TOGARAM1: variants seen among roughly 807,000 people sequenced by gnomAD.
The protein encoded by TOGARAM1 is TOG array regulator of axonemal microtubules 1.
Under a neutral mutation model 166.6 loss-of-function variants are expected in TOGARAM1, and 100 were observed. The ratio of observed to expected loss-of-function variants is 0.60; its 90% CI spans 0.51 to 0.71. The LOEUF is 0.71. Ranked by LOEUF, TOGARAM1 falls within the 30% of genes least tolerant of loss-of-function variation. The probability of loss-of-function intolerance (pLI) is 0.00; values close to 1 mark genes in which losing one functional copy is unlikely to be tolerated. For missense variants in TOGARAM1, 2,029 were observed against 2,102.7 expected (o/e 0.96, Z 0.69); for synonymous variants, 758 against 763.8 (o/e 0.99, Z 0.13).
In TOGARAM1 at chr14:45,044,771, A is replaced by G; in HGVS notation, c.4055A>G (p.Asn1352Ser). Reference protein sequence around the residue: ...KVLLHKAGESNTFIREDVDKA... With the variant: ...KVLLHKAGESSTFIREDVDKA... ...TTGTTGCACAAGGCTGGTGAATCAA[A>G]TACATTTATAAGAGAAGATGTTGAC... The change falls in exon 13 of 20, where the codon AAT becomes AGT. Residue 1352 changes from asparagine (N) to serine (S), a missense_variant. By Grantham distance (46) the Asn-to-Ser change is conservative. Coordinates refer to ENST00000361462, the MANE Select transcript of TOGARAM1 (RefSeq NM_001308120.2). 6.2e-7 allele frequency: 1 copy of G among 1,614,162 alleles called. No individual in the cohort carries two copies.
intron 1 of TOGARAM1, among the ~76,000 whole-genome samples, chr14:44,973,178 A>G (rs1566599139): frequency 6.6e-6 from 1 of 151,828 alleles, no homozygotes; most frequent in Admixed American, 6.6e-5. Flanking sequence ...TGTGGTTTTA[A>G]TTGAGAATTT....
intron 7 of TOGARAM1, among the ~76,000 whole-genome samples, chr14:45,019,153 G>C (rs1880336931): frequency 6.6e-6 from 1 of 152,144 alleles, no homozygotes; most frequent in African/African-American, 2.4e-5. Context: ...AGTTATGGAG[G>C]CTTAAAGCTT....
intron 3 of TOGARAM1, among the ~76,000 whole-genome samples, chr14:45,003,237 A>C (rs1437306993): frequency 6.6e-6 from 1 of 152,154 alleles, no homozygotes; most frequent in Non-Finnish European, 1.5e-5. Context: ...TTAAGTCCTC[A>C]GAAGAATGTT....
intron 16 of TOGARAM1, among the ~76,000 whole-genome samples, chr14:45,056,826 G>A (rs990522566): frequency 6.6e-6 from 1 of 152,002 alleles, no homozygotes; most frequent in African/African-American, 2.4e-5. Context: ...TTCGTCTTTT[G>A]TTGTGTCTTT....
chr14:45,047,648 T>A (rs562699092), intron 14 of TOGARAM1, among the ~76,000 whole-genome samples: 24 of 152,286 alleles, frequency 1.6e-4, no homozygotes, highest in Non-Finnish European at 2.9e-4. Flanking sequence ...CCGTCATTGT[T>A]TGTCCTTAAG....
chr14:44,968,713 T>C (rs1001446535), intron 1 of TOGARAM1, among the ~76,000 whole-genome samples: 1 of 152,204 alleles, frequency 6.6e-6, no homozygotes. Flanking sequence ...CATATAATTA[T>C]CACCCAAGGC....
chr14:45,025,125 A>G (rs1009934440), intron 7 of TOGARAM1, among the ~76,000 whole-genome samples: 7 of 152,230 alleles, frequency 4.6e-5, no homozygotes, highest in African/African-American at 1.7e-4. Flanking sequence ...TTAACCTAGA[A>G]AAGCACAGAT....
At chr14:45,038,734 G>A (rs1007775419) in intron 11 of TOGARAM1, among the ~76,000 whole-genome samples, 16 of 152,122 alleles carry the variant, frequency 1.1e-4, no homozygotes, top group Non-Finnish European at 2.4e-4. Flanking sequence ...TGTCATGAGC[G>A]GTGGCAAAGT....
At chr14:45,055,618 C>T (rs531315018) in intron 16 of TOGARAM1, among the ~76,000 whole-genome samples, 5 of 151,960 alleles carry the variant, frequency 3.3e-5, no homozygotes, top group Admixed American at 2.0e-4. Flanking sequence ...GCCTGGCCAA[C>T]GTAGTGAAAC....
chr14:45,009,159 T>A lies in TOGARAM1; in HGVS notation c.3137+14T>A. ...GAAGAGAATAATGTATTTTATTTTT[T>A]GACGTGATAAATGAATGTTCCTCTG... On this transcript the variant is annotated intron_variant, in intron 6 of 19. Coordinates refer to ENST00000361462, the MANE Select transcript of TOGARAM1 (RefSeq NM_001308120.2). 6.3e-7 allele frequency: 1 copy of A among 1,582,144 alleles called. No individual in the cohort carries two copies. Among genetic ancestry groups the A allele is most frequent in the Non-Finnish European group, 8.7e-7 (1 of 1,154,680 alleles).
Position 44,963,529 on chromosome 14 carries a change from CA to C in TOGARAM1, c.1109del (p.Gln370ArgfsTer6). 1 of 1,614,096 alleles carries C rather than the reference CA, an allele frequency of 6.2e-7. No individual in the cohort carries two copies. On this transcript the variant is annotated frameshift_variant, in exon 1 of 20. Transcript: ENST00000361462. LOFTEE classifies it high-confidence loss of function. Reference protein sequence around the residue: ...LDQEDYKNRTQAVEELKQVLG... With the variant: ...LDQEDYKNRTXAVEELKQVLG... ...TCAGGAAGACTATAAGAACCGGACC[CA>C]GGCCGTCGAAGAACTAAAGCAGGTG...
chr14:44,977,520 G>T (rs1566602958), intron 1 of TOGARAM1, among the ~76,000 whole-genome samples: 1 of 152,178 alleles, frequency 6.6e-6, no homozygotes, highest in Non-Finnish European at 1.5e-5. Context: ...ACAGGCGTGA[G>T]CCACAGCACC....
intron 1 of TOGARAM1, among the ~76,000 whole-genome samples, chr14:44,978,532 C>T (rs1886338228): frequency 6.6e-6 from 1 of 152,144 alleles, no homozygotes; most frequent in African/African-American, 2.4e-5. Flanking sequence ...AAACCAGGAG[C>T]AGTGGCACAT....
chr14:45,025,808 T>A lies in TOGARAM1; in HGVS notation c.3264T>A (p.Ile1088=). The A allele has an allele frequency of 6.2e-7, 1 of 1,609,478 alleles. No individual in the cohort carries two copies. The highest frequency in any genetic ancestry group is 2.2e-5 in the East Asian group (1 of 44,704). ...GGTCATCATCAAATCCACAGCAAAT[T>A]TCCAGTTTTGACTTCACAACCACAA... ...SAGSSSNPQQ[I]SSFDFTTTKA... The change falls in exon 8 of 20, where the codon ATT becomes ATA. Residue 1088 remains isoleucine, a synonymous_variant. Coordinates refer to ENST00000361462, the MANE Select transcript of TOGARAM1 (RefSeq NM_001308120.2).
intron 11 of TOGARAM1, among the ~76,000 whole-genome samples, chr14:45,038,990 G>A (rs1467828730): frequency 6.6e-6 from 1 of 152,214 alleles, no homozygotes; most frequent in Non-Finnish European, 1.5e-5. Context: ...GAGACCCAGA[G>A]TGGGTAGCTC....
intron 7 of TOGARAM1, among the ~76,000 whole-genome samples, chr14:45,024,761 A>G (rs1021528742): frequency 8.5e-5 from 13 of 152,228 alleles, no homozygotes; most frequent in Admixed American, 8.5e-4. Context: ...GATCACTTAC[A>G]TGGATTTCTT....
chr14:45,025,494 G>C, intron 7 of TOGARAM1: 1 of 214,722 alleles, frequency 4.7e-6, no homozygotes, highest in South Asian at 8.0e-5. Flanking sequence ...AACCCAGGAG[G>C]TGGAGGTAGC....
At chr14:44,994,914 A>T (rs945433974) in intron 1 of TOGARAM1, among the ~76,000 whole-genome samples, 1 of 152,214 alleles carries the variant, frequency 6.6e-6, no homozygotes, top group Non-Finnish European at 1.5e-5. Context: ...AGTTCACCAC[A>T]TCTAGATTTG....
intron 5 of TOGARAM1, chr14:45,007,579 C>T (rs756701386): frequency 6.6e-5 from 10 of 151,966 alleles, no homozygotes; most frequent in African/African-American, 1.7e-4. Flanking sequence ...CAACTTTTCA[C>T]GCTTTTAATA....
Sources: allele counts gnomAD v4.1 joint callset (sites outside exome capture counted in the v4.1 genomes callset), GRCh38; gene constraint gnomAD v4.1.1; transcripts MANE v1.5; gene names NCBI Gene and HGNC (gene_info 2026-07-23, HGNC 2026-07-21).